Variants in SPNS3 observed in about 807,000 individuals in gnomAD.
SPNS3 encodes SPNS lysolipid transporter 3, sphingosine-1-phosphate (putative), also known as protein spinster homolog 3.
In SPNS3, 51 loss-of-function variants were observed where a neutral mutation model predicts 54.4. The observed-to-expected ratio is 0.94, with a 90% CI of 0.75 to 1.18. The LOEUF is 1.18. Among genes scored for constraint, SPNS3 ranks in the 50% most tolerant of loss-of-function variants. The probability of loss-of-function intolerance (pLI) is 0.00; values close to 1 mark genes in which losing one functional copy is unlikely to be tolerated. For synonymous variants in SPNS3, 309 were observed against 294.7 expected (o/e 1.05, Z -0.50); for missense variants, 669 against 677.4 (o/e 0.99, Z 0.14).
chr17:4,466,768 A>T (rs1597330597), intron 8 of SPNS3, among the ~76,000 whole-genome samples: 1 of 149,938 alleles, frequency 6.7e-6, no homozygotes, highest in Non-Finnish European at 1.5e-5. Flanking sequence ...TCGCTGGAAC[A>T]TGGGAGGCGG....
chr17:4,468,733 C>CTTTCTTTCTTTCTT (rs1555531870), intron 8 of SPNS3, among the ~76,000 whole-genome samples: 1 of 139,558 alleles, frequency 7.2e-6, no homozygotes, highest in Non-Finnish European at 1.5e-5. Context: ...TTCTTTCTTT[C>CTTTCTTTCTTTCTT]TTTCTTTCTT....
At chr17:4,464,974 C>A (rs972450362) in intron 8 of SPNS3, among the ~76,000 whole-genome samples, 1 of 152,242 alleles carries the variant, frequency 6.6e-6, no homozygotes, top group Non-Finnish European at 1.5e-5. Flanking sequence ...AGCCACCACT[C>A]CCGGCTGAGC....
chr17:4,471,730 T>A (rs555032281), intron 8 of SPNS3, among the ~76,000 whole-genome samples: 1 of 152,110 alleles, frequency 6.6e-6, no homozygotes, highest in Non-Finnish European at 1.5e-5. Flanking sequence ...CCTCCCAAAG[T>A]GCTGGGATTA....
Position 4,466,172 on chromosome 17 carries a change from C to T in SPNS3, c.1114-12400C>T, listed in dbSNP as rs145967834. Among the ~76,000 whole-genome samples, 306 of 152,364 alleles carry T rather than the reference C, an allele frequency of 2.0e-3. 2 individuals carry two copies. Among genetic ancestry groups the T allele is most frequent in the African/African-American group, 6.9e-3 (286 of 41,590 alleles). ...TCCCCAGCGCCTCCTCTTTCCCAGACGCTGTTCCAGGCACTGGAGTACAGC... is the reference window on the plus strand; with the variant it reads ...TCCCCAGCGCCTCCTCTTTCCCAGATGCTGTTCCAGGCACTGGAGTACAGC... On this transcript the variant is annotated intron_variant, in intron 8 of 11. Coordinates refer to ENST00000355530, the MANE Select transcript of SPNS3 (RefSeq NM_182538.5).
intron 2 of SPNS3, among the ~76,000 whole-genome samples, chr17:4,442,017 T>TGTGTGTGTG (rs10692534): frequency 1.3e-4 from 20 of 150,662 alleles, no homozygotes; most frequent in Non-Finnish European, 2.1e-4. Flanking sequence ...TGTGTGTGTG[T>TGTGTGTGTG]TTGGCAGTAG....
At chr17:4,465,905 T>C (rs1971663638) in intron 8 of SPNS3, among the ~76,000 whole-genome samples, 1 of 152,202 alleles carries the variant, frequency 6.6e-6, no homozygotes, top group African/African-American at 2.4e-5. Flanking sequence ...CATGGGAAAG[T>C]GTTTTGTGTG....
chr17:4,473,757 C>T (rs1340883662), intron 8 of SPNS3, among the ~76,000 whole-genome samples: 1 of 152,136 alleles, frequency 6.6e-6, no homozygotes, highest in Non-Finnish European at 1.5e-5. Context: ...ATCTGGTGTC[C>T]ACAGGGGAGC....
intron 8 of SPNS3, among the ~76,000 whole-genome samples, chr17:4,469,894 AAAAC>A (rs1321688726): frequency 3.3e-5 from 5 of 152,192 alleles, no homozygotes; most frequent in Non-Finnish European, 7.3e-5. Context: ...TAAAAAAACA[AAAAC>A]AAAAGCATAA....
At chr17:4,461,650 G>T (rs1210488377) in intron 8 of SPNS3, among the ~76,000 whole-genome samples, 1 of 151,988 alleles carries the variant, frequency 6.6e-6, no homozygotes, top group Non-Finnish European at 1.5e-5. Flanking sequence ...ATTGTGAGAG[G>T]CAGTTGGATT....
At chr17:4,477,704 G>A (rs1371037390) in intron 8 of SPNS3, among the ~76,000 whole-genome samples, 3 of 152,192 alleles carry the variant, frequency 2.0e-5, no homozygotes, top group Non-Finnish European at 2.9e-5. Context: ...GGTGACCCCA[G>A]ACAAGCCCCG....
chr17:4,460,606 TA>T (rs1971472630), intron 8 of SPNS3, among the ~76,000 whole-genome samples: 1 of 143,294 alleles, frequency 7.0e-6, no homozygotes, highest in East Asian at 2.0e-4. Flanking sequence ...TAATTTTTTG[TA>T]TTTTTTTTTT....
intron 7 of SPNS3, among the ~76,000 whole-genome samples, chr17:4,451,858 T>C (rs900402418): frequency 5.3e-5 from 8 of 151,232 alleles, no homozygotes; most frequent in South Asian, 2.1e-4. Context: ...TTTTTTTTTT[T>C]AGTAGAGACG....
At position 4,445,148 on chromosome 17, in the gene SPNS3, A is replaced by C. The variant is rs765686709; in HGVS notation, c.382A>C (p.Ser128Arg). ...ILLWSGAGLS[S>R]SFISPRYSWL... ...GCTGTGGTCAGGAGCTGGCCTCTCT[A>C]GCTCCTTCATCTCCCCCCGGGTACG... Residue 128 changes from serine to arginine, a missense_variant, in exon 3 of 12, where the codon AGC becomes CGC. Coordinates refer to ENST00000355530, the MANE Select transcript of SPNS3 (RefSeq NM_182538.5). 8.7e-5 allele frequency: 140 copies of C among 1,613,386 alleles called. No individual in the cohort carries two copies. The highest frequency in any genetic ancestry group is 1.1e-4 in the Non-Finnish European group (129 of 1,179,572).
intron 2 of SPNS3, among the ~76,000 whole-genome samples, chr17:4,441,983 A>AGTGTGTGTGTGTGTGTGT (rs373836833): frequency 0.073 from 10,084 of 138,778 alleles, 452 homozygotes; most frequent in Middle Eastern, 0.14. Context: ...CGGAGGGAGA[A>AGTGTGTGTGTGTGTGTGT]GTGTGTGTGT....
Position 4,439,721 on chromosome 17 carries a change from C to T in SPNS3, c.263C>T (p.Thr88Ile), listed in dbSNP as rs1405363534. Residue 88 changes from threonine to isoleucine, a missense_variant and splice_region_variant, in exon 2 of 12, where the codon ACT becomes ATT. Physicochemically the swap from Thr to Ile is moderately conservative, Grantham distance 89 (BLOSUM62 -1). Coordinates refer to ENST00000355530, the MANE Select transcript of SPNS3 (RefSeq NM_182538.5). ...GACAACCATGCTGGTTTGCTTCAGA[C>T]TGGTAAGGAGGAGCCCTGGCTCTGG... ...ISDNHAGLLQ[T>I]VFVSCLLLSA... 1 of 1,611,976 alleles carries T rather than the reference C, an allele frequency of 6.2e-7. No homozygotes were observed. The highest frequency in any genetic ancestry group is 1.1e-5 in the South Asian group (1 of 90,518).
At position 4,478,624 on chromosome 17, in the gene SPNS3, C is replaced by A; in HGVS notation, c.1166C>A (p.Ala389Asp). 3 of 1,589,286 alleles carry A rather than the reference C, an allele frequency of 1.9e-6. No individual in the cohort carries two copies. Among genetic ancestry groups the A allele is most frequent in the South Asian group, 1.2e-5 (1 of 86,928 alleles). ...LLLSCNWAVV[A>D]DILLSVVVPR... ...CTGTCCTGCAACTGGGCAGTGGTTG[C>A]CGACATCCTGCTGGTAGGTGTGGGA... The change falls in exon 9 of 12, where the codon GCC (alanine) becomes GAC (aspartate). Residue 389 changes from alanine to aspartate, a missense_variant. By Grantham distance (126) the Ala-to-Asp change is moderately radical. Coordinates refer to ENST00000355530, the MANE Select transcript of SPNS3 (RefSeq NM_182538.5).
chr17:4,478,722 G>C, intron 9 of SPNS3, 85 bp downstream of exon 9: 1 of 1,388,354 alleles, frequency 7.2e-7, no homozygotes, highest in South Asian at 1.3e-5. Flanking sequence ...GGGCACTGGC[G>C]GCGACATCAG....
chr17:4,462,636 T>C (rs1971551187), intron 8 of SPNS3, among the ~76,000 whole-genome samples: 1 of 108,214 alleles, frequency 9.2e-6, no homozygotes, highest in Non-Finnish European at 2.1e-5. Context: ...CATCCACCAA[T>C]CCATCCACCC....
intron 5 of SPNS3, among the ~76,000 whole-genome samples, chr17:4,447,828 C>A (rs1971038527): frequency 6.6e-6 from 1 of 152,152 alleles, no homozygotes; most frequent in African/African-American, 2.4e-5. Flanking sequence ...ACTCAGGAGG[C>A]AGGGCCAGTG....
Sources: allele counts gnomAD v4.1 joint callset (sites outside exome capture counted in the v4.1 genomes callset), GRCh38; gene constraint gnomAD v4.1.1; transcripts MANE v1.5; gene names NCBI Gene and HGNC (gene_info 2026-07-23, HGNC 2026-07-21).